The following CHCHD3 variants were observed in gnomAD, a reference collection of about 807,000 sequenced individuals.
CHCHD3 encodes the protein MICOS complex subunit MIC19.
Under a neutral mutation model 38.2 loss-of-function variants are expected in CHCHD3, and 20 were observed. That is an observed-to-expected ratio of 0.52 (90% CI 0.37 to 0.76). The LOEUF (loss-of-function observed/expected upper bound fraction) is 0.76, where lower values mean the gene tolerates loss of function less well. CHCHD3 is among the 30% of genes least tolerant of loss of function. The pLI is 0.00. For synonymous variants in CHCHD3, 82 were observed against 100.0 expected, an observed-to-expected ratio of 0.82 and a Z score of 1.07; for missense variants, 245 against 279.2, an observed-to-expected ratio of 0.88 and a Z score of 0.87.
chr7:133,057,418 C>T (rs944539202), intron 2 of CHCHD3, among the ~76,000 whole-genome samples: 7 of 151,884 alleles, frequency 4.6e-5, no homozygotes, highest in Non-Finnish European at 7.4e-5. Context: ...TAAAAATTGG[C>T]AGTGTGGGGG....
At chr7:133,041,466 C>T (rs2117481331) in intron 2 of CHCHD3, among the ~76,000 whole-genome samples, 1 of 152,294 alleles carries the variant, frequency 6.6e-6, no homozygotes, top group East Asian at 1.9e-4. Flanking sequence ...ATAATTCACT[C>T]ACTCTCAACC....
At chr7:132,851,469 T>G (rs568399106) in intron 5 of CHCHD3, among the ~76,000 whole-genome samples, 1 of 152,224 alleles carries the variant, frequency 6.6e-6, no homozygotes, top group Non-Finnish European at 1.5e-5. Flanking sequence ...CTTCTATTAT[T>G]GTAGCTCTTC....
chr7:133,033,391 C>A (rs1813555490), intron 2 of CHCHD3, among the ~76,000 whole-genome samples: 1 of 152,004 alleles, frequency 6.6e-6, no homozygotes, highest in Non-Finnish European at 1.5e-5. Flanking sequence ...CATGAAGATC[C>A]CTCCCCGTGC....
At chr7:132,785,729 T>C in intron 7 of CHCHD3, 69 bp from the exon 8 acceptor site, 1 of 1,451,038 alleles carries the variant, frequency 6.9e-7, no homozygotes, top group Admixed American at 1.8e-5. Context: ...CACTAACTAT[T>C]TAGTATGATT....
intron 6 of CHCHD3, among the ~76,000 whole-genome samples, chr7:132,816,328 AT>A (rs1437503469): frequency 6.6e-6 from 1 of 152,158 alleles, no homozygotes; most frequent in East Asian, 1.9e-4. Context: ...GTTGGCCTCT[AT>A]TAATGTTTGA....
chr7:132,816,631 A>C (rs1311669880), intron 6 of CHCHD3, among the ~76,000 whole-genome samples: 1 of 152,124 alleles, frequency 6.6e-6, no homozygotes, highest in Non-Finnish European at 1.5e-5. Context: ...TCTTACTGCC[A>C]TTGTGGGCCA....
chr7:132,901,089 C>T (rs994892125), intron 4 of CHCHD3, among the ~76,000 whole-genome samples: 1 of 152,166 alleles, frequency 6.6e-6, no homozygotes, highest in Non-Finnish European at 1.5e-5. Context: ...CACAATGGGT[C>T]ACTGGTAATG....
chr7:132,812,680 C>T (rs1250221578), intron 6 of CHCHD3, among the ~76,000 whole-genome samples: 1 of 152,166 alleles, frequency 6.6e-6, no homozygotes. Flanking sequence ...CAGAGTGCCC[C>T]TTTTAAACCA....
Position 132,958,070 on chromosome 7 carries a change from G to A in CHCHD3, c.369+17099C>T, listed in dbSNP as rs1003560741. 3.3e-5 allele frequency among the ~76,000 whole-genome samples: 5 copies of A among 152,302 alleles called. No individual in the cohort carries two copies. The South Asian group carries it at 6.2e-4, about 19-fold the overall frequency. Reference sequence around the variant, plus strand: ...AAGATATACTCTTTCTGCAGACCAAGTACCTGGAAAGCTAAATCATAACAG... The same window carrying A: ...AAGATATACTCTTTCTGCAGACCAAATACCTGGAAAGCTAAATCATAACAG... On this transcript the variant is annotated intron_variant, in intron 4 of 7. Coordinates refer to ENST00000262570, the MANE Select transcript of CHCHD3 (RefSeq NM_017812.4).
At chr7:132,866,680 A>C (rs1165975704) in intron 5 of CHCHD3, among the ~76,000 whole-genome samples, 1 of 152,210 alleles carries the variant, frequency 6.6e-6, no homozygotes, top group Non-Finnish European at 1.5e-5. Context: ...AATTAGAGTC[A>C]CTCTTGAAAC....
chr7:132,964,049 A>G (rs1335936618), intron 4 of CHCHD3, among the ~76,000 whole-genome samples: 1 of 152,234 alleles, frequency 6.6e-6, no homozygotes, highest in African/African-American at 2.4e-5. Context: ...AACAAACTGT[A>G]GAATATCTTC....
intron 5 of CHCHD3, among the ~76,000 whole-genome samples, chr7:132,860,322 G>T (rs1034353504): frequency 1.3e-5 from 2 of 149,876 alleles, no homozygotes; most frequent in African/African-American, 4.9e-5. Flanking sequence ...GAGAAAGAGA[G>T]AGAGAGAGAG....
chr7:133,044,341 A>G (rs917176174), intron 2 of CHCHD3, among the ~76,000 whole-genome samples: 6 of 152,246 alleles, frequency 3.9e-5, no homozygotes, highest in African/African-American at 1.4e-4. Context: ...TTAAGTTCCC[A>G]GTTGGGAATG....
At chr7:133,004,249 A>G (rs1480848503) in intron 3 of CHCHD3, among the ~76,000 whole-genome samples, 1 of 152,254 alleles carries the variant, frequency 6.6e-6, no homozygotes, top group South Asian at 2.1e-4. Flanking sequence ...GGCATGAGCC[A>G]CTACACCCAG....
chr7:132,790,430 C>T (rs1585515819), intron 7 of CHCHD3, among the ~76,000 whole-genome samples: 1 of 152,150 alleles, frequency 6.6e-6, no homozygotes, highest in African/African-American at 2.4e-5. Flanking sequence ...GCAACGATTA[C>T]TCTCAGAAAG....
chr7:132,951,978 G>A (rs908144221), intron 4 of CHCHD3, among the ~76,000 whole-genome samples: 3 of 152,166 alleles, frequency 2.0e-5, no homozygotes, highest in African/African-American at 7.2e-5. Context: ...AGGCCCAAGA[G>A]GAAAGATGAG....
chr7:132,965,065 G>GTGTGTA (rs1006423647), intron 4 of CHCHD3, among the ~76,000 whole-genome samples: 1 of 146,954 alleles, frequency 6.8e-6, no homozygotes, highest in African/African-American at 2.7e-5. Flanking sequence ...TTTTATGTGT[G>GTGTGTA]TGTGTGTGTG....
chr7:132,932,468 C>T (rs928623927), intron 4 of CHCHD3, among the ~76,000 whole-genome samples: 7 of 152,182 alleles, frequency 4.6e-5, no homozygotes, highest in African/African-American at 7.2e-5. Context: ...AAAAACAAGG[C>T]GCTTCCCTAG....
chr7:132,984,961 G>A (rs1438558369), intron 3 of CHCHD3, among the ~76,000 whole-genome samples: 3 of 72,714 alleles, frequency 4.1e-5, no homozygotes, highest in South Asian at 4.7e-4. Flanking sequence ...GCCTCTGCCC[G>A]GCCGCCCCTA....
Sources: gnomAD v4.1 joint callset for allele counts (sites outside exome capture counted in the v4.1 genomes callset) on GRCh38, gnomAD v4.1.1 for gene constraint, MANE v1.5 for transcripts, NCBI Gene and HGNC (gene_info 2026-07-23, HGNC 2026-07-21) for gene names.